Variants in PTPRN2 observed in about 807,000 individuals in gnomAD.
PTPRN2 encodes receptor-type tyrosine-protein phosphatase N2.
In PTPRN2, 74 loss-of-function variants were observed where a neutral mutation model predicts 118.8. The ratio of observed to expected loss-of-function variants is 0.62; its 90% CI spans 0.52 to 0.76. The LOEUF is 0.76. Among genes scored for constraint, PTPRN2 ranks in the 30% least tolerant of loss-of-function variants. The pLI is 0.00. For missense variants in PTPRN2, 1,481 were observed against 1,394.4 expected, an observed-to-expected ratio of 1.06 and a Z score of -0.99; for synonymous variants, 641 against 608.0, an observed-to-expected ratio of 1.05 and a Z score of -0.80.
In PTPRN2 at chr7:157,680,034, A is replaced by T. The variant is rs79839142; in HGVS notation, c.2001+2691T>A. 5.9e-4 allele frequency among the ~76,000 whole-genome samples: 90 copies of T among 152,314 alleles called. 2 individuals are homozygous for T. In the East Asian group the frequency reaches 0.016, roughly 27 times the overall value. ...GGTAAGAACACAAGTTCTTTTGTTT[A>T]AAGTGTAACTTCATATTCTGATATT... is the stretch of plus-strand genomic sequence containing the variant. On this transcript the variant is annotated intron_variant, in intron 13 of 22. Coordinates refer to ENST00000389418, the MANE Select transcript of PTPRN2 (RefSeq NM_002847.5).
chr7:157,992,620 C>A (rs1804335285), intron 11 of PTPRN2, among the ~76,000 whole-genome samples: 1 of 152,228 alleles, frequency 6.6e-6, no homozygotes, highest in Admixed American at 6.5e-5. Context: ...CTGGAAAACA[C>A]CAGTGCACAC....
chr7:157,778,203 C>T (rs774010204), intron 12 of PTPRN2, among the ~76,000 whole-genome samples: 8 of 152,180 alleles, frequency 5.3e-5, no homozygotes, highest in Admixed American at 6.5e-5. Flanking sequence ...GCCAACGCTC[C>T]GCCTGCATGG....
At chr7:157,651,501 A>G (rs541219135) in intron 14 of PTPRN2, among the ~76,000 whole-genome samples, 8 of 152,152 alleles carry the variant, frequency 5.3e-5, no homozygotes, top group African/African-American at 1.2e-4. Context: ...CCCACTCTCC[A>G]AAAAACGTTC....
chr7:157,865,207 T>TGG (rs1256267997), intron 12 of PTPRN2: 1 of 152,272 alleles, frequency 6.6e-6, no homozygotes, highest in Non-Finnish European at 1.5e-5. Context: ...CCGGGCACTG[T>TGG]GGGGGTGGCC....
intron 11 of PTPRN2, among the ~76,000 whole-genome samples, chr7:157,946,643 G>T (rs1055173539): frequency 6.6e-6 from 1 of 152,212 alleles, no homozygotes; most frequent in Non-Finnish European, 1.5e-5. Flanking sequence ...ACATCAGTTA[G>T]GCCAGCAGCC....
At chr7:158,380,999 T>C (rs1198322129) in intron 2 of PTPRN2, among the ~76,000 whole-genome samples, 1 of 152,234 alleles carries the variant, frequency 6.6e-6, no homozygotes, top group Non-Finnish European at 1.5e-5. Flanking sequence ...ACGCAGGGCA[T>C]CAAGTCCCTA....
chr7:158,057,576 T>C (rs1809890363), intron 11 of PTPRN2, among the ~76,000 whole-genome samples: 1 of 152,214 alleles, frequency 6.6e-6, no homozygotes, highest in Admixed American at 6.5e-5. Context: ...TGTGGCACTG[T>C]GGCCTGGAGT....
intron 10 of PTPRN2, among the ~76,000 whole-genome samples, chr7:158,098,543 G>C (rs1814867675): frequency 6.6e-6 from 1 of 152,234 alleles, no homozygotes; most frequent in South Asian, 2.1e-4. Flanking sequence ...GCGGTGGCCA[G>C]GAGGGCCAGG....
Position 157,540,385 on chromosome 7 carries a change from C to T in PTPRN2, c.*329G>A, listed in dbSNP as rs189191788. 3.8e-3 allele frequency: 751 copies of T among 198,412 alleles called. 5 individuals carry two copies. The highest frequency in any genetic ancestry group is 0.017 in the African/African-American group (709 of 42,838). 12.3% of individuals were successfully genotyped at this position (198,412 alleles called of 1,614,324 possible). A position where few individuals can be genotyped will look rare whatever the true frequency, so the allele number is the denominator to read the frequency against. On this transcript the variant is annotated 3_prime_UTR_variant, in exon 23 of 23. Coordinates refer to ENST00000389418, the MANE Select transcript of PTPRN2 (RefSeq NM_002847.5). Reference sequence around the variant, plus strand: ...TGACAAGCACACTCTTCCTGGAAACCGCCTCGAACGTGCTGGCTACTGCAT... The same window carrying T: ...TGACAAGCACACTCTTCCTGGAAACTGCCTCGAACGTGCTGGCTACTGCAT...
At chr7:158,424,933 C>G (rs1770341133) in intron 2 of PTPRN2, among the ~76,000 whole-genome samples, 2 of 152,188 alleles carry the variant, frequency 1.3e-5, no homozygotes, top group South Asian at 4.1e-4. Flanking sequence ...CATTAACCAT[C>G]AGCCTAATCT....
intron 12 of PTPRN2, among the ~76,000 whole-genome samples, chr7:157,867,385 C>A (rs112220595): frequency 0.11 from 10,720 of 99,504 alleles, 93 homozygotes; most frequent in African/African-American, 0.13. Context: ...GATACACGGC[C>A]ACCACCCTGT....
chr7:158,024,274 C>G (rs1041106349), intron 11 of PTPRN2, among the ~76,000 whole-genome samples: 39 of 152,194 alleles, frequency 2.6e-4, no homozygotes, highest in African/African-American at 9.2e-4. Context: ...TCTGGATGGC[C>G]AGTGCTGACT....
At chr7:158,344,970 G>T (rs567955076) in intron 2 of PTPRN2, among the ~76,000 whole-genome samples, 7 of 152,342 alleles carry the variant, frequency 4.6e-5, no homozygotes, top group Middle Eastern at 6.8e-3. Context: ...GCAGAAGACA[G>T]CTTGGACCCA....
chr7:158,137,278 G>A (rs769595198), intron 7 of PTPRN2, among the ~76,000 whole-genome samples: 9 of 152,074 alleles, frequency 5.9e-5, no homozygotes, highest in East Asian at 1.9e-4. Context: ...TTAGCTGGGC[G>A]TGGTAGTGCA....
Position 158,558,517 on chromosome 7 carries a change from G to A in PTPRN2, c.112+29041C>T, listed in dbSNP as rs574771170. ...TACCAGTTGGTCCCAGGGACATGAA[G>A]GCCTGGCACCTGCAGAGCCCAGCGG... On this transcript the variant is annotated intron_variant, in intron 1 of 22. Coordinates refer to ENST00000389418, the MANE Select transcript of PTPRN2 (RefSeq NM_002847.5). Among the ~76,000 whole-genome samples, 15 of 152,192 alleles carry A rather than the reference G, an allele frequency of 9.9e-5. No individual in the cohort carries two copies. The East Asian group carries it at 1.9e-3, about 20-fold the overall frequency.
intron 13 of PTPRN2, among the ~76,000 whole-genome samples, chr7:157,659,494 G>A (rs902121415): frequency 6.7e-6 from 1 of 150,260 alleles, no homozygotes; most frequent in Non-Finnish European, 1.5e-5. Context: ...GATGACTATG[G>A]GGACCGGGCA....
At chr7:157,922,960 C>T (rs1798770083) in intron 11 of PTPRN2, among the ~76,000 whole-genome samples, 4 of 152,246 alleles carry the variant, frequency 2.6e-5, no homozygotes. Flanking sequence ...CCACTGTCTC[C>T]TACCACTGGC....
At chr7:158,572,565 C>T (rs761017398) in intron 1 of PTPRN2, among the ~76,000 whole-genome samples, 24 of 152,168 alleles carry the variant, frequency 1.6e-4, no homozygotes, top group Non-Finnish European at 2.8e-4. Flanking sequence ...AACAGCTCTC[C>T]GAGGCTCCTG....
chr7:158,320,578 ACGTCCTCGGCAGCG>A (rs1563134727), intron 2 of PTPRN2, among the ~76,000 whole-genome samples: 3 of 146,706 alleles, frequency 2.0e-5, no homozygotes, highest in Admixed American at 6.7e-5. Flanking sequence ...CCGTGTTCCC[ACGTCCTCGGCAGCG>A]CTGGGTGACA....
Sources: gnomAD v4.1 joint callset for allele counts (sites outside exome capture counted in the v4.1 genomes callset) on GRCh38, gnomAD v4.1.1 for gene constraint, MANE v1.5 for transcripts, NCBI Gene and HGNC (gene_info 2026-07-23, HGNC 2026-07-21) for gene names.